ANK2: variants seen among roughly 807,000 people sequenced by gnomAD.
ANK2 encodes the protein ankyrin 2, also known as ankyrin-2.
Under a neutral mutation model 360.5 loss-of-function variants are expected in ANK2, and 83 were observed. The observed-to-expected ratio is 0.23, with a 90% confidence interval of 0.19 to 0.28. The LOEUF (loss-of-function observed/expected upper bound fraction) is 0.28. Among genes scored for constraint, ANK2 ranks in the 10% least tolerant of loss-of-function variants. The pLI is 1.00. For synonymous variants in ANK2, 1,740 were observed against 1,759.5 expected (o/e 0.99, Z 0.28); for missense variants, 4,201 against 4,795.7 (o/e 0.88, Z 3.66).
At chr4:113,135,148 T>C (rs2096314520) in intron 1 of ANK2, among the ~76,000 whole-genome samples, 1 of 151,878 alleles carries the variant, frequency 6.6e-6, no homozygotes, top group Non-Finnish European at 1.5e-5. Context: ...TTTTTGCATT[T>C]ACAAGATGCC....
At chr4:113,007,229 G>A (rs1266808048) in intron 2 of ANK2, among the ~76,000 whole-genome samples, 23 of 152,192 alleles carry the variant, frequency 1.5e-4, no homozygotes, top group Admixed American at 1.2e-3. Context: ...GCAGCGGTTA[G>A]TATAAATATT....
chr4:113,024,590 A>T (rs1315750839), intron 2 of ANK2, among the ~76,000 whole-genome samples: 1 of 152,194 alleles, frequency 6.6e-6, no homozygotes, highest in Non-Finnish European at 1.5e-5. Flanking sequence ...TGTGGCTAGC[A>T]GGATAATTGC....
chr4:112,831,773 T>C (rs2059792452), intron 1 of ANK2, among the ~76,000 whole-genome samples: 1 of 152,166 alleles, frequency 6.6e-6, no homozygotes, highest in Non-Finnish European at 1.5e-5. Context: ...TAACAGTCAC[T>C]GTGAAGGTCT....
At chr4:113,264,845 C>A (rs1244877179) in intron 13 of ANK2, 52 bp from the exon 14 acceptor site, 9 of 1,523,000 alleles carry the variant, frequency 5.9e-6, no homozygotes, top group Non-Finnish European at 8.0e-6. Flanking sequence ...TATTCTTTAC[C>A]ATCCAGAGCG....
At chr4:113,163,343 A>G (rs1469990326) in intron 1 of ANK2, among the ~76,000 whole-genome samples, 1 of 152,234 alleles carries the variant, frequency 6.6e-6, no homozygotes, top group Non-Finnish European at 1.5e-5. Flanking sequence ...AAAGCTGTGC[A>G]TCCCCATTTG....
chr4:112,902,090 T>C (rs1351812318), intron 1 of ANK2, among the ~76,000 whole-genome samples: 1 of 152,100 alleles, frequency 6.6e-6, no homozygotes, highest in African/African-American at 2.4e-5. Context: ...GCTCTTGAGT[T>C]TCCTGGAGAA....
intron 1 of ANK2, among the ~76,000 whole-genome samples, chr4:112,832,175 T>A (rs1469723736): frequency 6.6e-6 from 1 of 152,182 alleles, no homozygotes; most frequent in African/African-American, 2.4e-5. Flanking sequence ...CCTCAGCCTC[T>A]TGAGTGGTTA....
At chr4:112,915,516 C>T (rs1170751025) in intron 2 of ANK2, among the ~76,000 whole-genome samples, 1 of 151,864 alleles carries the variant, frequency 6.6e-6, no homozygotes, top group African/African-American at 2.4e-5. Flanking sequence ...TTTGGGAGGC[C>T]GAGTTGGGTG....
chr4:113,066,341 G>A (rs535954287), intron 1 of ANK2, among the ~76,000 whole-genome samples: 1 of 152,266 alleles, frequency 6.6e-6, no homozygotes, highest in African/African-American at 2.4e-5. Context: ...CTGGTGGGGT[G>A]CCTTTTATTC....
rs2098233422 is a variant in ANK2, at chr4:113,176,965, C to CT, written c.186+2454dup. Among the ~76,000 whole-genome samples, 12 of 152,232 alleles carry CT rather than the reference C, an allele frequency of 7.9e-5. 1 individual carries two copies. The South Asian group carries it at 2.5e-3, about 32-fold the overall frequency. On this transcript the variant is annotated intron_variant, in intron 2 of 45. Coordinates refer to ENST00000357077, the MANE Select transcript of ANK2 (RefSeq NM_001148.6). ...TCCCTACAAAGGACATGAACTCATC[C>CT]TTTTTTATGGCTGCATAGTATTCCA...
At chr4:113,110,390 G>A (rs2352184) in intron 1 of ANK2, among the ~76,000 whole-genome samples, 103,327 of 151,968 alleles carry the variant, frequency 0.68, 35,370 homozygotes, top group African/African-American at 0.69. Context: ...TGGTCAAACC[G>A]TATCTCATGC....
chr4:113,210,322 C>T (rs1459453003), intron 4 of ANK2, among the ~76,000 whole-genome samples: 3 of 152,038 alleles, frequency 2.0e-5, no homozygotes, highest in Non-Finnish European at 4.4e-5. Context: ...ACAATTTTCA[C>T]ATTGAAGAAA....
intron 2 of ANK2, among the ~76,000 whole-genome samples, chr4:112,948,066 A>G (rs1169653222): frequency 1.3e-5 from 2 of 152,194 alleles, no homozygotes; most frequent in East Asian, 1.9e-4. Flanking sequence ...CAAACCCACA[A>G]TTATCACTTT....
At chr4:113,343,543 A>C in intron 34 of ANK2, among the ~76,000 whole-genome samples, 1 of 152,234 alleles carries the variant, frequency 6.6e-6, no homozygotes, top group East Asian at 1.9e-4. Context: ...AAAATCTCTC[A>C]AAAGACCCAG....
At chr4:113,233,409 A>G (rs2153541020) in intron 5 of ANK2, among the ~76,000 whole-genome samples, 1 of 151,918 alleles carries the variant, frequency 6.6e-6, no homozygotes, top group South Asian at 2.1e-4. Context: ...TGCTGGGATT[A>G]CAGGCGTGAG....
At chr4:112,907,906 T>C (rs1008037223) in intron 2 of ANK2, among the ~76,000 whole-genome samples, 1 of 152,070 alleles carries the variant, frequency 6.6e-6, no homozygotes, top group Non-Finnish European at 1.5e-5. Context: ...AGCTCATGAG[T>C]AGAACTGTTC....
At chr4:113,107,861 T>C (rs2093824629) in intron 1 of ANK2, among the ~76,000 whole-genome samples, 1 of 152,136 alleles carries the variant, frequency 6.6e-6, no homozygotes. Context: ...GCACCCAACA[T>C]AGAACCCAAA....
the ANK2 span, among the ~76,000 whole-genome samples, chr4:112,790,484 C>CTTTTTTTTTTTT: frequency 8.8e-6 from 1 of 113,798 alleles, no homozygotes. Flanking sequence ...CTTTTCTTTT[C>CTTTTTTTTTTTT]TTTTTTTTTT....
chr4:112,751,174 C>A, the ANK2 span, among the ~76,000 whole-genome samples: 1 of 152,156 alleles, frequency 6.6e-6, no homozygotes, highest in Non-Finnish European at 1.5e-5. Context: ...GTCCCCAAAA[C>A]CAACCCCAAC....
Sources: gnomAD v4.1 joint callset for allele counts (sites outside exome capture counted in the v4.1 genomes callset) on GRCh38, gnomAD v4.1.1 for gene constraint, MANE v1.5 for transcripts, NCBI Gene and HGNC (gene_info 2026-07-23, HGNC 2026-07-21) for gene names.